Variants in AK5 observed in about 807,000 individuals in gnomAD.
AK5 encodes adenylate kinase 5, also known as adenylate kinase isoenzyme 5.
Under a neutral mutation model 69.5 loss-of-function variants are expected in AK5, and 27 were observed. That is an observed-to-expected ratio of 0.39 (90% CI 0.29 to 0.54). The LOEUF (loss-of-function observed/expected upper bound fraction) is 0.54. Among genes scored for constraint, AK5 ranks in the 20% least tolerant of loss-of-function variants. The pLI is 0.71. For synonymous variants in AK5, 260 were observed against 244.4 expected (o/e 1.06, Z -0.60); for missense variants, 531 against 700.4 (o/e 0.76, Z 2.73).
intron 7 of AK5, among the ~76,000 whole-genome samples, chr1:77,416,141 A>G (rs1650411211): frequency 6.6e-6 from 1 of 152,210 alleles, no homozygotes; most frequent in Admixed American, 6.5e-5. Flanking sequence ...TTTGGCCCCA[A>G]AATACACCTT....
intron 6 of AK5, among the ~76,000 whole-genome samples, chr1:77,385,060 T>C (rs1647910930): frequency 6.6e-6 from 1 of 152,210 alleles, no homozygotes; most frequent in Non-Finnish European, 1.5e-5. Context: ...GGTGAGATGC[T>C]CAGGACAGGG....
intron 8 of AK5, among the ~76,000 whole-genome samples, chr1:77,436,115 C>T (rs892017092): frequency 2.0e-5 from 3 of 152,170 alleles, no homozygotes; most frequent in Non-Finnish European, 4.4e-5. Context: ...AATACATCTT[C>T]ACACTTAAAA....
chr1:77,311,105 C>T (rs952853817), intron 5 of AK5, among the ~76,000 whole-genome samples: 2 of 152,082 alleles, frequency 1.3e-5, no homozygotes, highest in Non-Finnish European at 2.9e-5. Context: ...CTTTACGGCA[C>T]AGCTGACTCA....
chr1:77,400,835 A>C (rs900956891), intron 6 of AK5, among the ~76,000 whole-genome samples: 1 of 151,798 alleles, frequency 6.6e-6, no homozygotes, highest in African/African-American at 2.4e-5. Context: ...ACTCAGATAT[A>C]CACAGCCTTC....
chr1:77,521,378 C>T (rs1464911507), intron 11 of AK5, among the ~76,000 whole-genome samples: 1 of 152,132 alleles, frequency 6.6e-6, no homozygotes, highest in South Asian at 2.1e-4. Flanking sequence ...AGGTGATCCA[C>T]GCACCTCGGC....
intron 3 of AK5, among the ~76,000 whole-genome samples, chr1:77,295,755 G>GA (rs1448716977): frequency 6.6e-6 from 1 of 152,154 alleles, no homozygotes; most frequent in Admixed American, 6.5e-5. Context: ...GATTGTTCAT[G>GA]AAAATGGTTT....
chr1:77,384,154 A>G (rs1471391169), intron 6 of AK5, among the ~76,000 whole-genome samples: 3 of 152,174 alleles, frequency 2.0e-5, no homozygotes, highest in Non-Finnish European at 4.4e-5. Flanking sequence ...TTAATCAGGG[A>G]AATATTAAGT....
intron 9 of AK5, among the ~76,000 whole-genome samples, chr1:77,483,817 C>T (rs1655417841): frequency 6.6e-6 from 1 of 152,134 alleles, no homozygotes; most frequent in African/African-American, 2.4e-5. Flanking sequence ...ACCTTTGGAA[C>T]TCAACCTACC....
At chr1:77,548,853 G>A (rs77150389) in intron 13 of AK5, among the ~76,000 whole-genome samples, 1,595 of 150,554 alleles carry the variant, frequency 0.011, 31 homozygotes, top group African/African-American at 0.035. Context: ...CAAGAAGTCA[G>A]GTAAAAGCTC....
At chr1:77,509,846 T>C (rs1260620667) in intron 10 of AK5, among the ~76,000 whole-genome samples, 1 of 152,220 alleles carries the variant, frequency 6.6e-6, no homozygotes, top group African/African-American at 2.4e-5. Context: ...CTTTTAAACA[T>C]CACCAACAGT....
intron 8 of AK5, among the ~76,000 whole-genome samples, chr1:77,479,746 G>A (rs529955610): frequency 3.3e-4 from 50 of 152,218 alleles, no homozygotes; most frequent in African/African-American, 1.0e-3. Context: ...CCTATGTCCC[G>A]TTGTGCACAC....
chr1:77,434,907 A>T (rs114270806), intron 8 of AK5, among the ~76,000 whole-genome samples: 53 of 152,334 alleles, frequency 3.5e-4, no homozygotes, highest in African/African-American at 1.3e-3. Context: ...GAGCAGAGGA[A>T]TACATGGCTC....
chr1:77,529,057 A>G lies in AK5; in HGVS notation c.1429-6790A>G, dbSNP rs188346088. On this transcript the variant is annotated intron_variant, in intron 12 of 13. Transcript: ENST00000354567. Reference sequence around the variant, plus strand: ...TTAATAATGTGTATTTTTTCTGACTATAGAAATAAAAATTATATAGTATGA... The same window carrying G: ...TTAATAATGTGTATTTTTTCTGACTGTAGAAATAAAAATTATATAGTATGA... Among the ~76,000 whole-genome samples, 157 of 152,298 alleles carry G rather than the reference A, an allele frequency of 1.0e-3. 1 individual carries two copies. Among genetic ancestry groups the G allele is most frequent in the African/African-American group, 3.7e-3 (154 of 41,566 alleles).
intron 11 of AK5, among the ~76,000 whole-genome samples, chr1:77,520,810 C>A (rs1028928484): frequency 4.6e-5 from 7 of 152,182 alleles, no homozygotes; most frequent in African/African-American, 1.4e-4. Flanking sequence ...AGAATATAAA[C>A]TTCATGAGGA....
Position 77,297,708 on chromosome 1 carries a change from A to G in AK5, c.565A>G (p.Thr189Ala), listed in dbSNP as rs148313492. Residue 189 changes from threonine to alanine, a missense_variant, in exon 4 of 14, where the codon ACT (threonine) becomes GCT (alanine). Physicochemically the swap from Thr to Ala is moderately conservative, Grantham distance 58 (BLOSUM62 0). Transcript: ENST00000354567. ...KWSLIAKIIT[T>A]GELAPQETTI... ...GAGTCTTATTGCCAAGATAATTACAACTGGAGAATTGGCCCCACAGGTACT... is the reference window on the plus strand; with the variant it reads ...GAGTCTTATTGCCAAGATAATTACAGCTGGAGAATTGGCCCCACAGGTACT... The G allele has an allele frequency of 2.5e-6, 4 of 1,612,684 alleles. No individual in the cohort carries two copies. The African/African-American group carries it at 4.0e-5, about 16-fold the overall frequency.
intron 13 of AK5, among the ~76,000 whole-genome samples, chr1:77,546,038 G>C (rs981715783): frequency 1.3e-5 from 2 of 152,052 alleles, no homozygotes; most frequent in African/African-American, 2.4e-5. Flanking sequence ...CTGATTGTCA[G>C]ACCTTCACCA....
At chr1:77,331,566 T>A (rs1196356418) in intron 5 of AK5, among the ~76,000 whole-genome samples, 1 of 152,208 alleles carries the variant, frequency 6.6e-6, no homozygotes, top group Non-Finnish European at 1.5e-5. Context: ...ACAGGTTAAA[T>A]CCAAATTGGT....
chr1:77,389,829 G>T (rs918576034), intron 6 of AK5, among the ~76,000 whole-genome samples: 1 of 152,078 alleles, frequency 6.6e-6, no homozygotes, highest in Non-Finnish European at 1.5e-5. Flanking sequence ...GGATGTGGTG[G>T]TGAATGCCTG....
At chr1:77,366,558 C>A (rs528672953) in intron 6 of AK5, among the ~76,000 whole-genome samples, 1 of 152,300 alleles carries the variant, frequency 6.6e-6, no homozygotes, top group East Asian at 1.9e-4. Flanking sequence ...CTCTACCACA[C>A]CATTCTACCT....
Sources: gnomAD v4.1 joint callset for allele counts (sites outside exome capture counted in the v4.1 genomes callset) on GRCh38, gnomAD v4.1.1 for gene constraint, MANE v1.5 for transcripts, NCBI Gene and HGNC (gene_info 2026-07-23, HGNC 2026-07-21) for gene names.